The following MTRF1 variants were observed in gnomAD, a reference collection of about 807,000 sequenced individuals.
MTRF1 encodes the protein peptide chain release factor 1, mitochondrial.
In MTRF1, 51 loss-of-function variants were observed where a neutral mutation model predicts 62.9. That is an observed-to-expected ratio of 0.81 (90% CI 0.65 to 1.02). The LOEUF (loss-of-function observed/expected upper bound fraction) is 1.02. Among genes scored for constraint, MTRF1 ranks in the 50% least tolerant of loss-of-function variants. The pLI is 0.00. For missense variants in MTRF1, 446 were observed against 530.0 expected (o/e 0.84, Z 1.56); for synonymous variants, 158 against 181.9 (o/e 0.87, Z 1.06).
chr13:41,223,108 A>T, intron 9 of MTRF1, 148 bp downstream of exon 9: 1 of 540,332 alleles, frequency 1.9e-6, no homozygotes, highest in Non-Finnish European at 3.2e-6. Context: ...AACTAATAAA[A>T]GTGTTTGTAA....
the MTRF1 span, among the ~76,000 whole-genome samples, chr13:41,269,199 G>GTTTTTTTTTTT: frequency 2.9e-5 from 2 of 68,700 alleles, no homozygotes; most frequent in Non-Finnish European, 5.7e-5. Context: ...TTTTTTTTTG[G>GTTTTTTTTTTT]TTTTTTTTTT....
At chr13:41,275,197 T>A in the MTRF1 span, among the ~76,000 whole-genome samples, 1 of 152,014 alleles carries the variant, frequency 6.6e-6, no homozygotes, top group African/African-American at 2.4e-5. Context: ...TAGAAATAAC[T>A]CCAATAACTT....
upstream of MTRF1, among the ~76,000 whole-genome samples, chr13:41,268,400 A>C (rs2040864637): frequency 6.6e-6 from 1 of 152,166 alleles, no homozygotes; most frequent in Non-Finnish European, 1.5e-5. Context: ...TCGAAGGTTT[A>C]AAAACATTTG....
the MTRF1 span, among the ~76,000 whole-genome samples, chr13:41,273,320 C>T: frequency 1.9e-3 from 264 of 139,820 alleles, no homozygotes; most frequent in South Asian, 5.8e-3. Context: ...AGCGAGACTC[C>T]GTCTCAAAAA....
chr13:41,291,882 G>T, the MTRF1 span, among the ~76,000 whole-genome samples: 1 of 152,062 alleles, frequency 6.6e-6, no homozygotes, highest in Non-Finnish European at 1.5e-5. Flanking sequence ...AATATATTCA[G>T]CTGCCCCCAT....
the MTRF1 span, among the ~76,000 whole-genome samples, chr13:41,295,498 C>T: frequency 6.6e-6 from 1 of 151,908 alleles, no homozygotes; most frequent in Non-Finnish European, 1.5e-5. Flanking sequence ...ACTAAATGGG[C>T]TTCTCATGAG....
upstream of MTRF1, among the ~76,000 whole-genome samples, chr13:41,264,995 TA>T (rs1411926960): frequency 6.6e-6 from 1 of 152,224 alleles, no homozygotes; most frequent in Non-Finnish European, 1.5e-5. Flanking sequence ...TATGTTCCAG[TA>T]GGGGAAAAGT....
rs900443737 is a variant in MTRF1, at chr13:41,220,786, C to G, written c.1224+2470G>C. 3.5e-5 allele frequency: 13 copies of G among 375,276 alleles called. No individual in the cohort carries two copies. In the Admixed American group the frequency reaches 4.1e-4, roughly 12 times the overall value. 23.2% of individuals were successfully genotyped at this position (375,276 alleles called of 1,614,324 possible). On this transcript the variant is annotated intron_variant, in intron 9 of 9. Coordinates refer to ENST00000379480, the MANE Select transcript of MTRF1 (RefSeq NM_004294.4). ...GGTGGCTGAAAATGTGGCCTCTAAC[C>G]TCTTACATGCTTTATATATTGCAGT...
chr13:41,271,192 T>C, the MTRF1 span, among the ~76,000 whole-genome samples: 1 of 152,134 alleles, frequency 6.6e-6, no homozygotes, highest in South Asian at 2.1e-4. Context: ...TTTATTTTAA[T>C]AGACAAATAA....
chr13:41,238,215 A>T (rs2036976478), intron 6 of MTRF1, among the ~76,000 whole-genome samples: 1 of 152,196 alleles, frequency 6.6e-6, no homozygotes, highest in Non-Finnish European at 1.5e-5. Flanking sequence ...CTGAGGCAGG[A>T]TAGTACAAAA....
At chr13:41,290,039 A>C in the MTRF1 span, among the ~76,000 whole-genome samples, 2 of 151,952 alleles carry the variant, frequency 1.3e-5, no homozygotes, top group Non-Finnish European at 2.9e-5. Flanking sequence ...ATGCTACAGG[A>C]AGAAACAAAC....
At chr13:41,246,144 AG>A in intron 5 of MTRF1, among the ~76,000 whole-genome samples, 1 of 152,246 alleles carries the variant, frequency 6.6e-6, no homozygotes, top group Non-Finnish European at 1.5e-5. Context: ...GAGTTATGAG[AG>A]GGTTCTCCAG....
chr13:41,252,728 C>G lies in MTRF1; in HGVS notation c.614G>C (p.Arg205Pro), dbSNP rs146179881. 1 of 1,613,288 alleles carries G rather than the reference C, an allele frequency of 6.2e-7. No homozygotes were observed. Among genetic ancestry groups the G allele is most frequent in the Non-Finnish European group, 8.5e-7 (1 of 1,179,788 alleles). Reference sequence around the variant, plus strand: ...ATTCTGGTACATGTCAAATATTTCTCGGGTAAATTGTTGGCAGATGTCACC... The same window carrying G: ...ATTCTGGTACATGTCAAATATTTCTGGGGTAAATTGTTGGCAGATGTCACC... Reference protein sequence around the residue: ...TGGDICQQFTREIFDMYQNYS... With the variant: ...TGGDICQQFTPEIFDMYQNYS... The change falls in exon 5 of 10, where the codon CGA (arginine) becomes CCA (proline). Residue 205 changes from arginine to proline, a missense_variant. Physicochemically the swap from Arg to Pro is moderately radical, Grantham distance 103. Coordinates refer to ENST00000379480, the MANE Select transcript of MTRF1 (RefSeq NM_004294.4).
Position 41,226,402 on chromosome 13 carries a change from C to A in MTRF1, c.1125+30G>T. ...AGAAAATGACTTTTCTTTAAACAGTCACTAAATTATTATACCAAGTAAATC... is the reference window on the plus strand; with the variant it reads ...AGAAAATGACTTTTCTTTAAACAGTAACTAAATTATTATACCAAGTAAATC... On this transcript the variant is annotated intron_variant, in intron 8 of 9. Coordinates refer to ENST00000379480, the MANE Select transcript of MTRF1 (RefSeq NM_004294.4). 1.9e-6 allele frequency: 3 copies of A among 1,590,472 alleles called. No homozygotes were observed. The South Asian group carries it at 3.5e-5, about 18-fold the overall frequency.
chr13:41,248,214 C>T (rs935659020), intron 5 of MTRF1, among the ~76,000 whole-genome samples: 4 of 152,170 alleles, frequency 2.6e-5, no homozygotes, highest in African/African-American at 4.8e-5. Context: ...CTCCACCTCC[C>T]GGGTTCAAGT....
rs1463979685 is a variant in MTRF1 at position 41,263,490 on chromosome 13, A to G, written c.-14T>C. On this transcript the variant is annotated 5_prime_UTR_variant, in exon 1 of 10. Transcript: ENST00000379480. Reference sequence around the variant, plus strand: ...CAGGAAAGAACTGTGAGTACCTAAGAAAAAGAAGAATACACGTTAGCTCTC... The same window carrying G: ...CAGGAAAGAACTGTGAGTACCTAAGGAAAAGAAGAATACACGTTAGCTCTC... The G allele has an allele frequency of 6.5e-6, 2 of 306,866 alleles. No individual in the cohort carries two copies. Among genetic ancestry groups the G allele is most frequent in the Non-Finnish European group, 1.3e-5 (2 of 152,556 alleles). 19.0% of individuals were successfully genotyped at this position (306,866 alleles called of 1,614,324 possible). A position where few individuals can be genotyped will look rare whatever the true frequency, so the allele number is the denominator to read the frequency against.
At chr13:41,298,897 A>G in the MTRF1 span, among the ~76,000 whole-genome samples, 1 of 152,162 alleles carries the variant, frequency 6.6e-6, no homozygotes, top group Non-Finnish European at 1.5e-5. Context: ...GAGAAGGAGG[A>G]GGCCAGGTGA....
In MTRF1 at chr13:41,252,705, T is replaced by G. The variant is rs1263062339; in HGVS notation, c.637A>C (p.Asn213His). The G allele has an allele frequency of 6.2e-7, 1 of 1,613,756 alleles. No individual in the cohort carries two copies. The highest frequency in any genetic ancestry group is 1.7e-5 in the Admixed American group (1 of 60,012). ...FTREIFDMYQ[N>H]YSCYKHWQFE... ...TGCCAGTGTTTATAGCACGAATAAT[T>G]CTGGTACATGTCAAATATTTCTCGG... is the stretch of plus-strand genomic sequence containing the variant. Residue 213 changes from asparagine (N) to histidine (H), a missense_variant, in exon 5 of 10, where the codon AAT becomes CAT. Coordinates refer to ENST00000379480, the MANE Select transcript of MTRF1 (RefSeq NM_004294.4).
the MTRF1 span, among the ~76,000 whole-genome samples, chr13:41,289,307 A>G: frequency 5.5e-5 from 8 of 145,362 alleles, no homozygotes; most frequent in African/African-American, 2.1e-4. Context: ...GTGCAATCTC[A>G]GCTCACTGCA....
Sources: gnomAD v4.1 joint callset for allele counts (sites outside exome capture counted in the v4.1 genomes callset) on GRCh38, gnomAD v4.1.1 for gene constraint, MANE v1.5 for transcripts, NCBI Gene and HGNC (gene_info 2026-07-23, HGNC 2026-07-21) for gene names.